The following DDX19A variants were observed in gnomAD, a reference collection of about 807,000 sequenced individuals.
DDX19A encodes the protein DEAD-box helicase 19A.
Under a neutral mutation model 60.6 loss-of-function variants are expected in DDX19A, and 12 were observed. The ratio of observed to expected loss-of-function variants is 0.20; its 90% CI spans 0.13 to 0.32. DDX19A has a LOEUF of 0.32. Among genes scored for constraint, DDX19A ranks in the 10% least tolerant of loss-of-function variants. The pLI is 1.00. For synonymous variants in DDX19A, 206 were observed against 218.2 expected, an observed-to-expected ratio of 0.94 and a Z score of 0.49; for missense variants, 337 against 600.6, an observed-to-expected ratio of 0.56 and a Z score of 4.59.
chr16:70,366,745 A>G lies in DDX19A; in HGVS notation c.904A>G (p.Thr302Ala), dbSNP rs1045025235. 4 of 1,614,022 alleles carry G rather than the reference A, an allele frequency of 2.5e-6. No homozygotes were observed. Among genetic ancestry groups the G allele is most frequent in the Non-Finnish European group, 3.4e-6 (4 of 1,180,038 alleles). ...TATCAAACTGAAGCGTGAGGAAGAGACCCTGGATACCATCAAGCAGTACTA... is the reference window on the plus strand; with the variant it reads ...TATCAAACTGAAGCGTGAGGAAGAGGCCCTGGATACCATCAAGCAGTACTA... ...NVIKLKREEE[T>A]LDTIKQYYVL... The change falls in exon 9 of 12, where the codon ACC becomes GCC. Residue 302 changes from threonine to alanine, a missense_variant. By Grantham distance (58) the Thr-to-Ala change is moderately conservative. Around this residue, in one of 6 missense-constraint regions of DDX19A, gnomAD observed 117 missense variants for 274.3 expected, o/e 0.43. Transcript: ENST00000302243.
intron 1 of DDX19A, chr16:70,347,851 C>T (rs2562246): frequency 2.9e-5 from 8 of 275,918 alleles, no homozygotes; most frequent in Middle Eastern, 1.3e-3. Flanking sequence ...CCACCACGCC[C>T]GGCTAATTTT....
chr16:70,370,574 C>T (rs1483753067), intron 10 of DDX19A, 189 bp downstream of exon 10: 12 of 948,986 alleles, frequency 1.3e-5, no homozygotes, highest in Admixed American at 3.3e-5. Flanking sequence ...ATGCCAGGTG[C>T]GGTGGCTCAT....
At position 70,358,617 on chromosome 16, in the gene DDX19A, G is replaced by A. The variant is rs536254106; in HGVS notation, c.293+2370G>A. 9.9e-5 allele frequency among the ~76,000 whole-genome samples: 15 copies of A among 152,198 alleles called. No homozygotes were observed. In the South Asian group the frequency reaches 2.1e-3, roughly 21 times the overall value. ...ACAGCACTTTGGGAGGTCAAGGCAG[G>A]TGGATTGTCTGAGGTCAGGAGTTCG... On this transcript the variant is annotated intron_variant, in intron 4 of 11. Coordinates refer to ENST00000302243, the MANE Select transcript of DDX19A (RefSeq NM_018332.5).
At position 70,372,103 on chromosome 16, in the gene DDX19A, T is replaced by C; in HGVS notation, c.*117T>C. On this transcript the variant is annotated 3_prime_UTR_variant, in exon 12 of 12. Coordinates refer to ENST00000302243, the MANE Select transcript of DDX19A (RefSeq NM_018332.5). ...GACAACGGCAGAAGTAGAGAGAAAC[T>C]ACCTACCTCACTTCAAATTATGTTT... The C allele has an allele frequency of 8.9e-6, 13 of 1,465,230 alleles. No individual in the cohort carries two copies. The highest frequency in any genetic ancestry group is 1.2e-5 in the Non-Finnish European group (13 of 1,056,000). The allele number at this position is 1,465,230 out of a possible 1,614,324, so 90.8% of individuals were successfully genotyped here. A position where few individuals can be genotyped will look rare whatever the true frequency, so the allele number is the denominator to read the frequency against.
intron 1 of DDX19A, 85 bp downstream of exon 1, chr16:70,347,133 G>A (rs1005532503): frequency 6.5e-6 from 9 of 1,378,536 alleles, no homozygotes; most frequent in Admixed American, 2.0e-5. Flanking sequence ...CCCGGGTTGG[G>A]GAGGCCCCTG....
chr16:70,356,407 A>T (rs1964186029), intron 4 of DDX19A, among the ~76,000 whole-genome samples, 160 bp downstream of exon 4: 1 of 151,508 alleles, frequency 6.6e-6, no homozygotes, highest in South Asian at 2.1e-4. Flanking sequence ...CCCAGCCTGG[A>T]GTGCAATGGC....
At position 70,371,179 on chromosome 16, in the gene DDX19A, T is replaced by C. The variant is rs116710245; in HGVS notation, c.1184-193T>C. On this transcript the variant is annotated intron_variant, in intron 10 of 11. Transcript: ENST00000302243. ...CTGATCTCATGATTTTGTTGGCACTTGCCAAAGTTCTCTTCTTTTCCTCTG... is the reference window on the plus strand; with the variant it reads ...CTGATCTCATGATTTTGTTGGCACTCGCCAAAGTTCTCTTCTTTTCCTCTG... 1,112 of 976,320 alleles carry C rather than the reference T, an allele frequency of 1.1e-3. 4 individuals carry two copies. The African/African-American group carries it at 0.017, about 15-fold the overall frequency. The allele number at this position is 976,320 out of a possible 1,614,324, so 60.5% of individuals were successfully genotyped here.
At chr16:70,370,133 G>A in intron 9 of DDX19A, 90 bp from the exon 10 acceptor site, 1 of 1,471,910 alleles carries the variant, frequency 6.8e-7, no homozygotes, top group Admixed American at 2.5e-5. Context: ...GGACTTTTTA[G>A]ATCACCCTGA....
Position 70,350,559 on chromosome 16 carries a change from G to T in DDX19A, c.60G>T (p.Met20Ile). ...VDEQEAAVKS[M>I]TNLQIKEEKV... ...TGTTTTCTTTTATTTCTATTCAGAT[G>T]ACCAATTTGCAGATCAAGGAAGAGA... Residue 20 changes from methionine to isoleucine, a missense_variant and splice_region_variant, in exon 2 of 12, where the codon ATG (methionine) becomes ATT (isoleucine). Met to Ile is a conservative substitution (Grantham distance 10, BLOSUM62 1). Coordinates refer to ENST00000302243, the MANE Select transcript of DDX19A (RefSeq NM_018332.5). 6.2e-7 allele frequency: 1 copy of T among 1,611,094 alleles called. No individual in the cohort carries two copies. Among genetic ancestry groups the T allele is most frequent in the Non-Finnish European group, 8.5e-7 (1 of 1,178,540 alleles).
intron 4 of DDX19A, among the ~76,000 whole-genome samples, chr16:70,357,380 T>G (rs1251666651): frequency 1.9e-3 from 165 of 86,736 alleles, no homozygotes; most frequent in Non-Finnish European, 3.3e-3. Flanking sequence ...TTTTTTTTTT[T>G]TTTTTTTTTT....
rs2047282383 is a variant in DDX19A at position 70,372,126 on chromosome 16, T to C, written c.*140T>C. On this transcript the variant is annotated 3_prime_UTR_variant, in exon 12 of 12. Transcript: ENST00000302243. The stretch of plus-strand genomic sequence containing the variant: ...ACTACCTACCTCACTTCAAATTATG[T>C]TTGGACTTGACAAAAATAGGTGCAA... 2 of 1,401,434 alleles carry C rather than the reference T, an allele frequency of 1.4e-6. No individual in the cohort carries two copies. Among genetic ancestry groups the C allele is most frequent in the Middle Eastern group, 1.9e-4 (1 of 5,368 alleles). The allele number at this position is 1,401,434 out of a possible 1,614,324, so 86.8% of individuals were successfully genotyped here.
At chr16:70,364,391 A>G in intron 5 of DDX19A, 152 bp from the exon 6 acceptor site, 3 of 608,938 alleles carry the variant, frequency 4.9e-6, no homozygotes, top group Non-Finnish European at 3.0e-6. Context: ...CGTATAAAAA[A>G]ATGTATGAAA....
At position 70,365,028 on chromosome 16, in the gene DDX19A, C is replaced by T. The variant is rs776851368; in HGVS notation, c.501C>T (p.Leu167=). The T allele has an allele frequency of 1.9e-6, 3 of 1,614,142 alleles. No individual in the cohort carries two copies. The highest frequency in any genetic ancestry group is 2.5e-6 in the Non-Finnish European group (3 of 1,179,982). Reference sequence around the variant, plus strand: ...GATTTTTCTGTCAGTGTCTGTGCCTCTCCCCAACATATGAGCTGGCGCTTC... The same window carrying T: ...GATTTTTCTGTCAGTGTCTGTGCCTTTCCCCAACATATGAGCTGGCGCTTC... ...PSDRYPQCLC[L]SPTYELALQT... is the part of the protein sequence containing the mutation. The change falls in exon 7 of 12, where the codon CTC becomes CTT. Residue 167 remains leucine (L), a synonymous_variant. Transcript: ENST00000302243.
intron 1 of DDX19A, among the ~76,000 whole-genome samples, chr16:70,349,261 T>C (rs1480848954): frequency 1.3e-5 from 2 of 152,132 alleles, no homozygotes; most frequent in African/African-American, 4.8e-5. Context: ...TAACAGCACA[T>C]ATGAAGTGGT....
Position 70,372,431 on chromosome 16 carries a change from CTGCCCCCTCT to C in DDX19A, c.*446_*455del. ...GGAAGTGGCAGCAGAGAGGCCAGAG[CTGCCCCCTCT>C]CTGTCTCTTCAATGGACCCTTCACA... On this transcript the variant is annotated 3_prime_UTR_variant, in exon 12 of 12. Coordinates refer to ENST00000302243, the MANE Select transcript of DDX19A (RefSeq NM_018332.5). The C allele has an allele frequency of 4.5e-6, 1 of 221,994 alleles. No homozygotes were observed. 13.8% of individuals were successfully genotyped at this position (221,994 alleles called of 1,614,324 possible).
chr16:70,359,908 G>A (rs1964318629), intron 4 of DDX19A, among the ~76,000 whole-genome samples: 1 of 152,110 alleles, frequency 6.6e-6, no homozygotes, highest in African/African-American at 2.4e-5. Flanking sequence ...GTGAATCTGA[G>A]CATTTGTAAA....
intron 2 of DDX19A, among the ~76,000 whole-genome samples, chr16:70,351,036 G>A (rs78068113): frequency 0.071 from 10,520 of 148,316 alleles, 1,233 homozygotes; most frequent in African/African-American, 0.25. Flanking sequence ...TTGCCACCAC[G>A]CGCTAGTTTT....
chr16:70,360,139 G>T (rs1025554364), intron 4 of DDX19A, among the ~76,000 whole-genome samples: 2 of 152,046 alleles, frequency 1.3e-5, no homozygotes, highest in Middle Eastern at 3.4e-3. Context: ...AAATTAGCCA[G>T]GTGTGGCAGT....
chr16:70,369,719 C>T (rs1035773639), intron 9 of DDX19A, among the ~76,000 whole-genome samples: 1 of 149,660 alleles, frequency 6.7e-6, no homozygotes, highest in East Asian at 2.0e-4. Context: ...CAGGTTTAAG[C>T]GATTCTCCTG....
Sources: gnomAD v4.1 joint callset for allele counts (sites outside exome capture counted in the v4.1 genomes callset) on GRCh38, gnomAD v4.1.1 for gene constraint, gnomAD v4.1.1 regional missense constraint, MANE v1.5 for transcripts, NCBI Gene and HGNC (gene_info 2026-07-23, HGNC 2026-07-21) for gene names.